The following ZEB2 variants were observed in gnomAD, a reference collection of about 807,000 sequenced individuals.
The protein encoded by ZEB2 is zinc finger E-box binding homeobox 2.
Under a neutral mutation model 99.9 loss-of-function variants are expected in ZEB2, and 6 were observed. The observed-to-expected ratio is 0.06, with a 90% CI of 0.03 to 0.12. The LOEUF is 0.12. ZEB2 is among the 10% of genes least tolerant of loss of function. The pLI is 1.00. For synonymous variants in ZEB2, 517 were observed against 542.5 expected (o/e 0.95, Z 0.65); for missense variants, 969 against 1,502.8 (o/e 0.64, Z 5.87).
chr2:144,478,511 T>C (rs1704462597), intron 2 of ZEB2, among the ~76,000 whole-genome samples: 1 of 152,234 alleles, frequency 6.6e-6, no homozygotes, highest in African/African-American at 2.4e-5. Context: ...TAAGCCTAAC[T>C]TTCTTTAGGT....
At chr2:144,395,517 G>A (rs889207694) in intron 9 of ZEB2, among the ~76,000 whole-genome samples, 2 of 151,532 alleles carry the variant, frequency 1.3e-5, no homozygotes, top group South Asian at 2.1e-4. Context: ...TTTCCCCCCC[G>A]ATCCAGGGCT....
In ZEB2 at chr2:144,384,887, G is replaced by C. The variant is rs1340416630; in HGVS notation, c.*4564C>G. ...TGTATTTTCTTCATCTTTGTTACAC[G>C]ATGCATATTTCAGTGACTAAAAGCC... On this transcript the variant is annotated 3_prime_UTR_variant, in exon 10 of 10. Transcript: ENST00000627532. The C allele has an allele frequency of 6.6e-6, 1 of 151,980 alleles. No individual in the cohort carries two copies. The highest frequency in any genetic ancestry group is 1.5e-5 in the Non-Finnish European group (1 of 67,996). The allele number at this position is 151,980 out of a possible 1,614,324, so 9.4% of individuals were successfully genotyped here. A position where few individuals can be genotyped will look rare whatever the true frequency, so the allele number is the denominator to read the frequency against.
intron 2 of ZEB2, among the ~76,000 whole-genome samples, chr2:144,478,166 T>C (rs964245182): frequency 1.3e-5 from 2 of 152,232 alleles, no homozygotes; most frequent in Non-Finnish European, 2.9e-5. Context: ...GGGTGCATAC[T>C]TTACTTGTAC....
intron 9 of ZEB2, chr2:144,390,446 T>C (rs1703141218): frequency 3.3e-6 from 1 of 307,496 alleles, no homozygotes; most frequent in African/African-American, 2.2e-5. Context: ...GCATCATCGC[T>C]GGCATTGGCA....
In ZEB2 at chr2:144,423,952, G is replaced by A. The variant is rs551914784; in HGVS notation, c.403+844C>T. ...TTTTATTTTGGAAGATAATTTTATG[G>A]TGGACACTATGCTAATATTTGTGAT... On this transcript the variant is annotated intron_variant, in intron 4 of 9. Coordinates refer to ENST00000627532, the MANE Select transcript of ZEB2 (RefSeq NM_014795.4). Among the ~76,000 whole-genome samples, 508 of 152,098 alleles carry A rather than the reference G, an allele frequency of 3.3e-3. 2 individuals carry two copies. Among genetic ancestry groups the A allele is most frequent in the Non-Finnish European group, 5.0e-3 (339 of 68,008 alleles).
chr2:144,406,832 G>A (rs1703395031), intron 4 of ZEB2, among the ~76,000 whole-genome samples: 1 of 152,194 alleles, frequency 6.6e-6, no homozygotes, highest in Non-Finnish European at 1.5e-5. Context: ...GAGAAAAGTA[G>A]GTCCTGGGAA....
At chr2:144,477,940 T>TA (rs1443687715) in intron 2 of ZEB2, among the ~76,000 whole-genome samples, 1 of 152,214 alleles carries the variant, frequency 6.6e-6, no homozygotes, top group Non-Finnish European at 1.5e-5. Context: ...TGCTTTTTTT[T>TA]AATGCTTAAA....
chr2:144,440,459 T>C (rs574201993), intron 2 of ZEB2, among the ~76,000 whole-genome samples: 169 of 147,446 alleles, frequency 1.1e-3, no homozygotes, highest in African/African-American at 4.1e-3. Context: ...CCCCGACCAA[T>C]TGTTCAACCT....
chr2:144,433,263 G>C lies in ZEB2; in HGVS notation c.74-3237C>G, dbSNP rs552947100. Among the ~76,000 whole-genome samples, 14 of 152,274 alleles carry C rather than the reference G, an allele frequency of 9.2e-5. No homozygotes were observed. The South Asian group carries it at 2.3e-3, about 25-fold the overall frequency. Reference sequence around the variant, plus strand: ...GAGCAGTAATAAATGTCCAAAAACAGCATCAGTATCCAAAACTCTCACAGT... The same window carrying C: ...GAGCAGTAATAAATGTCCAAAAACACCATCAGTATCCAAAACTCTCACAGT... On this transcript the variant is annotated intron_variant, in intron 2 of 9. Coordinates refer to ENST00000627532, the MANE Select transcript of ZEB2 (RefSeq NM_014795.4).
rs1248212141 is a variant in ZEB2, at chr2:144,403,977, G to A, written c.746C>T (p.Thr249Met). The A allele has an allele frequency of 1.2e-6, 2 of 1,614,170 alleles. No individual in the cohort carries two copies. Among genetic ancestry groups the A allele is most frequent in the African/African-American group, 1.3e-5 (1 of 75,046 alleles). Residue 249 changes from threonine to methionine, a missense_variant, in exon 6 of 10, where the codon ACG (threonine) becomes ATG (methionine). Physicochemically the swap from Thr to Met is moderately conservative, Grantham distance 81. This residue lies in a region of ZEB2 where 65 missense variants were observed against 147.7 expected (regional missense o/e 0.44). Coordinates refer to ENST00000627532, the MANE Select transcript of ZEB2 (RefSeq NM_014795.4). ...CTCGAGCTGGGTGCGGTAGGCAAAC[G>A]TGTAGCTACAGAGAGGGCAGGAAAA... ...ENFSCPLCSY[T>M]FAYRTQLERH...
chr2:144,424,211 T>C, intron 4 of ZEB2: 1 of 352,372 alleles, frequency 2.8e-6, no homozygotes, highest in Non-Finnish European at 5.5e-6. Flanking sequence ...TGTAATTTTT[T>C]AGCTTCATTA....
At chr2:144,416,983 C>T (rs750898770) in intron 4 of ZEB2, among the ~76,000 whole-genome samples, 2 of 152,200 alleles carry the variant, frequency 1.3e-5, no homozygotes, top group African/African-American at 2.4e-5. Context: ...GAAATGATAG[C>T]GCATTTATTA....
intron 2 of ZEB2, chr2:144,511,958 C>G: frequency 7.8e-7 from 1 of 1,287,192 alleles, no homozygotes; most frequent in Non-Finnish European, 1.0e-6. Flanking sequence ...ATATTTTCAA[C>G]TAGTGTTTCT....
At chr2:144,508,214 A>G (rs1353825099) in intron 2 of ZEB2, among the ~76,000 whole-genome samples, 1 of 152,178 alleles carries the variant, frequency 6.6e-6, no homozygotes. Flanking sequence ...GCCTCCTTGT[A>G]TACGGGCGTT....
chr2:144,419,377 C>T lies in ZEB2; in HGVS notation c.403+5419G>A, dbSNP rs191610455. Among the ~76,000 whole-genome samples, 64 of 152,316 alleles carry T rather than the reference C, an allele frequency of 4.2e-4. No homozygotes were observed. In the East Asian group the frequency reaches 0.012, roughly 28 times the overall value. ...AGTTTCTGGATGTAAGGTACCTCTT[C>T]CCCCTCTTAGCAAAGGAAGCGCAGA... On this transcript the variant is annotated intron_variant, in intron 4 of 9. Coordinates refer to ENST00000627532, the MANE Select transcript of ZEB2 (RefSeq NM_014795.4).
chr2:144,405,181 A>T, intron 4 of ZEB2, 157 bp from the exon 5 acceptor site: 1 of 783,586 alleles, frequency 1.3e-6, no homozygotes. Flanking sequence ...TTATTGACTG[A>T]ATGCTTATTC....
At chr2:144,513,220 A>G (rs1240180712) in intron 2 of ZEB2, 5 of 1,286,948 alleles carry the variant, frequency 3.9e-6, no homozygotes, top group African/African-American at 1.5e-5. Context: ...CAGCACCTCC[A>G]CTCCTTTAAG....
chr2:144,411,357 T>C (rs1236350458), intron 4 of ZEB2, among the ~76,000 whole-genome samples: 1 of 151,986 alleles, frequency 6.6e-6, no homozygotes, highest in Non-Finnish European at 1.5e-5. Context: ...AATGTAGTCA[T>C]TTGTATTGAG....
chr2:144,495,144 G>T (rs1187935229), intron 2 of ZEB2: 1 of 152,110 alleles, frequency 6.6e-6, no homozygotes, highest in Non-Finnish European at 1.5e-5. Flanking sequence ...GTCTATGCAG[G>T]TTTATCACAT....
Sources: allele counts gnomAD v4.1 joint callset (sites outside exome capture counted in the v4.1 genomes callset), GRCh38; gene constraint gnomAD v4.1.1; regional missense constraint gnomAD v4.1.1; transcripts MANE v1.5; gene names NCBI Gene and HGNC (gene_info 2026-07-23, HGNC 2026-07-21).